The following TLR3 variants were observed in gnomAD, a reference collection of about 807,000 sequenced individuals.
TLR3 encodes toll like receptor 3.
In TLR3, 43 loss-of-function variants were observed where a neutral mutation model predicts 66.4. The ratio of observed to expected loss-of-function variants is 0.65; its 90% CI spans 0.51 to 0.83. TLR3 has a LOEUF of 0.83. Ranked by LOEUF, TLR3 falls within the 40% of genes least tolerant of loss-of-function variation. TLR3 has a pLI of 0.00. For missense variants in TLR3, 982 were observed against 1,044.6 expected (o/e 0.94, Z 0.83); for synonymous variants, 397 against 397.2 (o/e 1.00, Z 0.01).
In TLR3 at chr4:186,082,806, A is replaced by G; in HGVS notation, c.1120A>G (p.Met374Val). 1 of 1,614,170 alleles carries G rather than the reference A, an allele frequency of 6.2e-7. No homozygotes were observed. ...DNDIPGIKSN[M>V]FTGLINLKYL... is the part of the protein sequence containing the mutation. Reference sequence around the variant, plus strand: ...TGATATTCCAGGCATAAAAAGCAATATGTTCACAGGATTGATAAACCTGAA... The same window carrying G: ...TGATATTCCAGGCATAAAAAGCAATGTGTTCACAGGATTGATAAACCTGAA... Residue 374 changes from methionine to valine, a missense_variant, in exon 4 of 5, where the codon ATG (methionine) becomes GTG (valine). By Grantham distance (21) the Met-to-Val change is conservative (BLOSUM62 1). Around this residue, in one of 3 missense-constraint regions of TLR3, gnomAD observed 666 missense variants for 709.0 expected, o/e 0.94. Transcript: ENST00000296795.
Position 186,084,964 on chromosome 4 carries a change from T to TTCCC in TLR3, c.*92_*93insCCCT. ...TAAGTTTTCCATAAAGGTGTTATAA[T>TTCCC]TTGTTTATTCATATTTGTAAATGAT... On this transcript the variant is annotated 3_prime_UTR_variant, in exon 5 of 5. Coordinates refer to ENST00000296795, the MANE Select transcript of TLR3 (RefSeq NM_003265.3). 3 of 1,006,566 alleles carry TTCCC rather than the reference T, an allele frequency of 3.0e-6. No homozygotes were observed. The highest frequency in any genetic ancestry group is 4.5e-6 in the Non-Finnish European group (3 of 664,198). 62.4% of individuals were successfully genotyped at this position (1,006,566 alleles called of 1,614,324 possible).
chr4:186,072,366 C>T (rs542559161), intron 1 of TLR3, among the ~76,000 whole-genome samples: 1 of 152,292 alleles, frequency 6.6e-6, no homozygotes, highest in South Asian at 2.1e-4. Flanking sequence ...GGCTGGAGTG[C>T]ATGTGGTGGG....
rs2099304317 is a variant in TLR3, at chr4:186,086,127, G to T, written c.*1254G>T. The T allele has an allele frequency of 6.6e-6, 1 of 152,196 alleles. No homozygotes were observed. The highest frequency in any genetic ancestry group is 1.5e-5 in the Non-Finnish European group (1 of 68,050). The allele number at this position is 152,196 out of a possible 1,614,324, so 9.4% of individuals were successfully genotyped here. A position where few individuals can be genotyped will look rare whatever the true frequency, so the allele number is the denominator to read the frequency against. ...GATCCTCTCGCCTTGGCCTCCCAAAGTGCTAGGATTACAGGTGTGAGCCAC... is the reference window on the plus strand; with the variant it reads ...GATCCTCTCGCCTTGGCCTCCCAAATTGCTAGGATTACAGGTGTGAGCCAC... On this transcript the variant is annotated 3_prime_UTR_variant, in exon 5 of 5. Transcript: ENST00000296795.
chr4:186,083,641 A>G lies in TLR3; in HGVS notation c.1955A>G (p.Glu652Gly). The G allele has an allele frequency of 6.3e-7, 1 of 1,599,430 alleles. No homozygotes were observed. Among genetic ancestry groups the G allele is most frequent in the Non-Finnish European group, 8.5e-7 (1 of 1,173,178 alleles). The stretch of plus-strand genomic sequence containing the variant: ...TTTAATCCCTTTGATTGCACGTGTG[A>G]AAGTATTGCCTGGTTTGTTAATTGG... ...MRFNPFDCTC[E>G]SIAWFVNWIN... The change falls in exon 4 of 5, where the codon GAA becomes GGA. Residue 652 changes from glutamate to glycine, a missense_variant. Physicochemically the swap from Glu to Gly is moderately conservative, Grantham distance 98. Transcript: ENST00000296795. This position sits in a 1 kb window ranked among gnomAD's most constrained non-coding sequence, Gnocchi z 4.0.
Position 186,076,901 on chromosome 4 carries a change from G to C in TLR3, c.282G>C (p.Leu94Phe). ...CCATCTCAAAACTGGAGCCAGAATT[G>C]TGCCAGAAACTTCCCATGTTAAAAG... is the stretch of plus-strand genomic sequence containing the variant. ...FNTISKLEPE[L>F]CQKLPMLKVL... The change falls in exon 2 of 5, where the codon TTG (leucine) becomes TTC (phenylalanine). Residue 94 changes from leucine (L) to phenylalanine (F), a missense_variant. Physicochemically the swap from Leu to Phe is conservative, Grantham distance 22 (BLOSUM62 0). Transcript: ENST00000296795. 6.2e-7 allele frequency: 1 copy of C among 1,614,172 alleles called. No individual in the cohort carries two copies. The highest frequency in any genetic ancestry group is 8.5e-7 in the Non-Finnish European group (1 of 1,180,040).
rs754471929 is a variant in TLR3 at position 186,084,216 on chromosome 4, A to G, written c.2486+44A>G. 6.4e-6 allele frequency: 10 copies of G among 1,574,068 alleles called. No individual in the cohort carries two copies. The Admixed American group carries it at 1.8e-4, about 28-fold the overall frequency. ...ATTTTAAGTGTGTACTTGCTTTTCA[A>G]TTAAATTTCTTTTTTTTTTTTTGAG... On this transcript the variant is annotated intron_variant, in intron 4 of 4. Coordinates refer to ENST00000296795, the MANE Select transcript of TLR3 (RefSeq NM_003265.3).
rs568396555 is a variant in TLR3, at chr4:186,086,919, G to C, written c.*2046G>C. The C allele has an allele frequency of 6.6e-6, 1 of 152,252 alleles. No individual in the cohort carries two copies. The highest frequency in any genetic ancestry group is 2.4e-5 in the African/African-American group (1 of 41,546). 9.4% of individuals were successfully genotyped at this position (152,252 alleles called of 1,614,324 possible). On this transcript the variant is annotated 3_prime_UTR_variant, in exon 5 of 5. Transcript: ENST00000296795. ...AAAGCACACCCCGCAGGGTGGGAGC[G>C]GCCCGAGCAAGCAGCTCAAAAGCCG...
At chr4:186,080,881 C>T (rs1340091037) in intron 3 of TLR3, among the ~76,000 whole-genome samples, 4 of 152,082 alleles carry the variant, frequency 2.6e-5, no homozygotes, top group African/African-American at 7.2e-5. Context: ...CGTGAGCCAC[C>T]GCGCCCAGCC....
In TLR3 at chr4:186,082,727, T is replaced by C; in HGVS notation, c.1041T>C (p.Asp347=). The C allele has an allele frequency of 1.2e-6, 2 of 1,614,144 alleles. No individual in the cohort carries two copies. Among genetic ancestry groups the C allele is most frequent in the East Asian group, 4.5e-5 (2 of 44,874 alleles). The part of the protein sequence containing the change: ...SISLASLPKI[D]DFSFQWLKCL... ...CCCTTGCCTCACTCCCCAAGATTGA[T>C]GATTTTTCTTTTCAGTGGCTAAAAT... The change falls in exon 4 of 5, where the codon GAT becomes GAC. Residue 347 remains aspartate, a synonymous_variant. Coordinates refer to ENST00000296795, the MANE Select transcript of TLR3 (RefSeq NM_003265.3).
At chr4:186,071,116 T>C (rs1373140186) in intron 1 of TLR3, among the ~76,000 whole-genome samples, 3 of 152,244 alleles carry the variant, frequency 2.0e-5, no homozygotes, top group Non-Finnish European at 4.4e-5. Context: ...AGATCTCTTT[T>C]CTTTGGAAAT....
At position 186,083,129 on chromosome 4, in the gene TLR3, C is replaced by A; in HGVS notation, c.1443C>A (p.Ser481Arg). The stretch of plus-strand genomic sequence containing the variant: ...GGAACTCCTTTGCCTTGGTCCCAAG[C>A]CTTCAACGACTGATGCTCCGAAGGG... ...LTRNSFALVP[S>R]LQRLMLRRVA... Residue 481 changes from serine (S) to arginine (R), a missense_variant, in exon 4 of 5, where the codon AGC becomes AGA. This residue lies in a region of TLR3 where 666 missense variants were observed against 709.0 expected (regional missense o/e 0.94). Transcript: ENST00000296795. The surrounding 1 kb of genome is among the most constrained non-coding windows in gnomAD (Gnocchi z 4.0). 6.2e-7 allele frequency: 1 copy of A among 1,614,196 alleles called. No individual in the cohort carries two copies. Among genetic ancestry groups the A allele is most frequent in the Non-Finnish European group, 8.5e-7 (1 of 1,180,030 alleles).
Position 186,085,028 on chromosome 4 carries a change from G to A in TLR3, c.*155G>A, listed in dbSNP as rs2150068440. ...AATTACATCTCTTCTAGGAAAATGTGTCTCCTTATTTCAGGCCTATTTTTG... is the reference window on the plus strand; with the variant it reads ...AATTACATCTCTTCTAGGAAAATGTATCTCCTTATTTCAGGCCTATTTTTG... On this transcript the variant is annotated 3_prime_UTR_variant, in exon 5 of 5. Transcript: ENST00000296795. The A allele has an allele frequency of 1.5e-6, 1 of 680,364 alleles. No homozygotes were observed. Among genetic ancestry groups the A allele is most frequent in the Non-Finnish European group, 2.5e-6 (1 of 404,070 alleles). The allele number at this position is 680,364 out of a possible 1,614,324, so 42.1% of individuals were successfully genotyped here. A position where few individuals can be genotyped will look rare whatever the true frequency, so the allele number is the denominator to read the frequency against.
Position 186,084,752 on chromosome 4 carries a change from G to A in TLR3, c.2594G>A (p.Cys865Tyr). ...GATTATAAACTGAACCATGCACTCT[G>A]TTTGCGAAGAGGAATGTTTAAATCT... Reference protein sequence around the residue: ...IPDYKLNHALCLRRGMFKSHC... With the variant: ...IPDYKLNHALYLRRGMFKSHC... Residue 865 changes from cysteine to tyrosine, a missense_variant, in exon 5 of 5, where the codon TGT becomes TAT. Cys to Tyr is a radical substitution (Grantham distance 194). Transcript: ENST00000296795. 1 of 1,614,052 alleles carries A rather than the reference G, an allele frequency of 6.2e-7. No individual in the cohort carries two copies.
chr4:186,078,994 T>TA lies in TLR3; in HGVS notation c.603dup (p.Leu202IlefsTer9), dbSNP rs779318647. The TA allele has an allele frequency of 1.2e-6, 2 of 1,613,712 alleles. No homozygotes were observed. Among genetic ancestry groups the TA allele is most frequent in the South Asian group, 1.1e-5 (1 of 90,928 alleles). On this transcript the variant is annotated frameshift_variant, in exon 3 of 5. Coordinates refer to ENST00000296795, the MANE Select transcript of TLR3 (RefSeq NM_003265.3). LOFTEE classifies it high-confidence loss of function. ...CTGGATATCTTTGCCAATTCATCTT[T>TA]AAAAAAATTAGAGTTGTCATCGAAT...
At chr4:186,079,262 C>T (rs5743315) in intron 3 of TLR3, among the ~76,000 whole-genome samples, 1 of 152,062 alleles carries the variant, frequency 6.6e-6, no homozygotes, top group Non-Finnish European at 1.5e-5. Context: ...ACCCCTGTGC[C>T]GTGACCTTGC....
At chr4:186,074,819 C>A (rs1041922095) in intron 1 of TLR3, among the ~76,000 whole-genome samples, 1 of 151,034 alleles carries the variant, frequency 6.6e-6, no homozygotes, top group Non-Finnish European at 1.5e-5. Context: ...ACTTTTTAAA[C>A]GTTTTTGTTA....
At chr4:186,075,056 A>G (rs1328959507) in intron 1 of TLR3, among the ~76,000 whole-genome samples, 1 of 152,224 alleles carries the variant, frequency 6.6e-6, no homozygotes, top group Non-Finnish European at 1.5e-5. Context: ...TAGAAGGAGT[A>G]CACTCTAAAA....
At chr4:186,078,791 G>C in intron 2 of TLR3, 49 bp from the exon 3 acceptor site, 1 of 1,537,536 alleles carries the variant, frequency 6.5e-7, no homozygotes, top group Admixed American at 1.7e-5. Flanking sequence ...TAAAAGAACT[G>C]TTTTTGACAG....
rs1267624680 is a variant in TLR3, at chr4:186,074,818, A to G, written c.-7-1795A>G. On this transcript the variant is annotated intron_variant, in intron 1 of 4. Transcript: ENST00000296795. ...TTCTTCTTTTTTTTTAACTTTTTAA[A>G]CGTTTTTGTTAAAAACGAAGACACA... Among the ~76,000 whole-genome samples the G allele has an allele frequency of 2.0e-5, 3 of 151,658 alleles. No homozygotes were observed. In the East Asian group the frequency reaches 5.8e-4, roughly 29 times the overall value.
Sources: allele counts gnomAD v4.1 joint callset (sites outside exome capture counted in the v4.1 genomes callset), GRCh38; gene constraint gnomAD v4.1.1; regional missense constraint gnomAD v4.1.1; non-coding constraint Gnocchi (gnomAD v3.1); transcripts MANE v1.5; gene names NCBI Gene and HGNC (gene_info 2026-07-23, HGNC 2026-07-21).